Variants in C12orf54 observed in about 807,000 individuals in gnomAD.
C12orf54 encodes chromosome 12 open reading frame 54.
In C12orf54, 24 loss-of-function variants were observed where a neutral mutation model predicts 26.4. The ratio of observed to expected loss-of-function variants is 0.91; its 90% CI spans 0.66 to 1.28. C12orf54 has a LOEUF of 1.28. Among genes scored for constraint, C12orf54 ranks in the 50% most tolerant of loss-of-function variants. The probability of loss-of-function intolerance (pLI) is 0.00; values close to 1 mark genes in which losing one functional copy is unlikely to be tolerated. For missense variants in C12orf54, 154 were observed against 150.9 expected, an observed-to-expected ratio of 1.02 and a Z score of -0.11; for synonymous variants, 54 against 47.0, an observed-to-expected ratio of 1.15 and a Z score of -0.61.
chr12:48,413,459 G>A, the C12orf54 span, among the ~76,000 whole-genome samples: 1 of 152,208 alleles, frequency 6.6e-6, no homozygotes. Flanking sequence ...TGAGGCCACT[G>A]AGGAGGTTGG....
chr12:48,488,124 C>T lies in C12orf54; in HGVS notation c.136-800C>T, dbSNP rs922463032. On this transcript the variant is annotated intron_variant, in intron 4 of 8. Coordinates refer to ENST00000548364, the MANE Select transcript of C12orf54 (RefSeq NM_152319.4). Reference sequence around the variant, plus strand: ...CAAGTCCCAAGGCTGCATGAAGGAACAGTTTGCCTGGAGACATTTCTACTG... The same window carrying T: ...CAAGTCCCAAGGCTGCATGAAGGAATAGTTTGCCTGGAGACATTTCTACTG... 5.0e-6 allele frequency: 4 copies of T among 804,534 alleles called. No individual in the cohort carries two copies. In the African/African-American group the frequency reaches 6.6e-5, roughly 13 times the overall value. The allele number at this position is 804,534 out of a possible 1,614,324, so 49.8% of individuals were successfully genotyped here.
the C12orf54 span, among the ~76,000 whole-genome samples, chr12:48,417,490 G>T: frequency 6.6e-6 from 1 of 152,130 alleles, no homozygotes; most frequent in African/African-American, 2.4e-5. Context: ...TAATTCTTTA[G>T]ACACAATTAA....
At chr12:48,446,080 T>C in the C12orf54 span, among the ~76,000 whole-genome samples, 1 of 152,210 alleles carries the variant, frequency 6.6e-6, no homozygotes. Flanking sequence ...AACATAACCA[T>C]ACTTCTGTCT....
the C12orf54 span, among the ~76,000 whole-genome samples, chr12:48,474,960 C>T: frequency 1.3e-5 from 2 of 152,202 alleles, no homozygotes; most frequent in African/African-American, 4.8e-5. Flanking sequence ...TCAAGTGGGC[C>T]CCTGACCCCT....
intron 5 of C12orf54, among the ~76,000 whole-genome samples, chr12:48,490,202 T>C (rs934100547): frequency 6.6e-6 from 1 of 151,310 alleles, no homozygotes; most frequent in African/African-American, 2.4e-5. Flanking sequence ...TGATGAATTG[T>C]GTGTCTCCCA....
intron 4 of C12orf54, chr12:48,488,339 G>C: frequency 1.9e-6 from 1 of 517,618 alleles, no homozygotes; most frequent in Non-Finnish European, 3.6e-6. Flanking sequence ...AGAATGCTGT[G>C]CCCCCTGGTG....
At chr12:48,414,774 T>C in the C12orf54 span, among the ~76,000 whole-genome samples, 1 of 152,144 alleles carries the variant, frequency 6.6e-6, no homozygotes, top group African/African-American at 2.4e-5. Context: ...ACTTTTGTGG[T>C]CTAGGGAAAG....
At chr12:48,467,623 G>A in the C12orf54 span, among the ~76,000 whole-genome samples, 1 of 151,940 alleles carries the variant, frequency 6.6e-6, no homozygotes, top group African/African-American at 2.4e-5. Flanking sequence ...AAAATCCATG[G>A]TTGCTTCAGG....
chr12:48,435,590 G>C, the C12orf54 span, among the ~76,000 whole-genome samples: 1 of 152,324 alleles, frequency 6.6e-6, no homozygotes, highest in South Asian at 2.1e-4. Context: ...AGCCAGAAGA[G>C]AGTGGGGGCC....
At position 48,494,791 on chromosome 12, in the gene C12orf54, G is replaced by A; in HGVS notation, c.243-7G>A. ...TCATGTCTACAACTTTCTCTATTTT[G>A]GCACAGAAGCATAAGGCCTCCAGAT... On this transcript the variant is annotated splice_region_variant and splice_polypyrimidine_tract_variant and intron_variant, in intron 7 of 8. Transcript: ENST00000548364. The A allele has an allele frequency of 6.2e-7, 1 of 1,613,040 alleles. No individual in the cohort carries two copies. The highest frequency in any genetic ancestry group is 1.7e-4 in the Middle Eastern group (1 of 6,058).
chr12:48,480,564 A>T (rs909519347), upstream of C12orf54, among the ~76,000 whole-genome samples: 1 of 152,250 alleles, frequency 6.6e-6, no homozygotes, highest in Admixed American at 6.5e-5. Context: ...AATGGCCATT[A>T]TTAAGTCAAA....
chr12:48,436,557 C>G, the C12orf54 span, among the ~76,000 whole-genome samples: 19,446 of 152,038 alleles, frequency 0.13, 2,550 homozygotes, highest in East Asian at 0.66. Context: ...ATAACTGTCT[C>G]TCAGACCACA....
intron 7 of C12orf54, among the ~76,000 whole-genome samples, chr12:48,493,719 A>G (rs1937845396): frequency 6.6e-6 from 1 of 152,050 alleles, no homozygotes. Context: ...AATTAACAAA[A>G]GTTAAAATGC....
At chr12:48,465,148 A>C in the C12orf54 span, among the ~76,000 whole-genome samples, 2 of 152,236 alleles carry the variant, frequency 1.3e-5, no homozygotes. Context: ...GAATGGGAGA[A>C]AATATTTGCA....
intron 6 of C12orf54, among the ~76,000 whole-genome samples, chr12:48,491,888 G>A (rs879875209): frequency 3.9e-5 from 6 of 152,142 alleles, no homozygotes; most frequent in Non-Finnish European, 8.8e-5. Flanking sequence ...AGTAAGTCTA[G>A]GGTAGGCTTG....
the C12orf54 span, among the ~76,000 whole-genome samples, chr12:48,455,818 C>G: frequency 6.6e-6 from 1 of 152,190 alleles, no homozygotes; most frequent in Admixed American, 6.5e-5. Flanking sequence ...ATCTGTCCTT[C>G]ATTGTCTGTT....
chr12:48,423,903 G>T, the C12orf54 span, among the ~76,000 whole-genome samples: 1 of 151,982 alleles, frequency 6.6e-6, no homozygotes, highest in Admixed American at 6.6e-5. Flanking sequence ...AGGCATCCTT[G>T]CCTTGTTCTC....
chr12:48,444,402 A>G, the C12orf54 span, among the ~76,000 whole-genome samples: 1 of 152,182 alleles, frequency 6.6e-6, no homozygotes. Context: ...CCTCTTTTCC[A>G]CTTGTCTCCA....
At chr12:48,472,983 G>A in the C12orf54 span, 1 of 1,614,064 alleles carries the variant, frequency 6.2e-7, no homozygotes, top group Non-Finnish European at 8.5e-7. Flanking sequence ...CAGCACAATA[G>A]AGCCCCTGAA....
Sources: gnomAD v4.1 joint callset for allele counts (sites outside exome capture counted in the v4.1 genomes callset) on GRCh38, gnomAD v4.1.1 for gene constraint, MANE v1.5 for transcripts, NCBI Gene and HGNC (gene_info 2026-07-23, HGNC 2026-07-21) for gene names.